PNPT1: variants seen among roughly 807,000 people sequenced by gnomAD.
The protein encoded by PNPT1 is polyribonucleotide nucleotidyltransferase 1, mitochondrial.
PNPT1 carries 53 observed loss-of-function variants against 119.5 expected under a neutral mutation model. The observed-to-expected ratio is 0.44, with a 90% CI of 0.36 to 0.56. The LOEUF (loss-of-function observed/expected upper bound fraction) is 0.56, where lower values mean the gene tolerates loss of function less well. Ranked by LOEUF, PNPT1 falls within the 20% of genes least tolerant of loss-of-function variation. PNPT1 has a pLI of 0.00. For synonymous variants in PNPT1, 357 were observed against 322.1 expected (o/e 1.11, Z -1.16); for missense variants, 948 against 938.5 (o/e 1.01, Z -0.13).
chr2:55,685,201 G>T (rs1172659599), intron 3 of PNPT1, among the ~76,000 whole-genome samples, 153 bp from the exon 4 acceptor site: 1 of 152,200 alleles, frequency 6.6e-6, no homozygotes, highest in Non-Finnish European at 1.5e-5. Context: ...TTTGGGGAGA[G>T]GAAAGTTGAT....
At chr2:55,651,602 T>C (rs1387978206) in intron 18 of PNPT1, among the ~76,000 whole-genome samples, 1 of 151,200 alleles carries the variant, frequency 6.6e-6, no homozygotes, top group Non-Finnish European at 1.5e-5. Context: ...TCATCACCAC[T>C]CCCTAATCTC....
intron 18 of PNPT1, among the ~76,000 whole-genome samples, chr2:55,647,955 T>C (rs1443003004): frequency 1.3e-5 from 2 of 152,248 alleles, no homozygotes; most frequent in African/African-American, 4.8e-5. Context: ...TAAAACAATG[T>C]AAACAAGTAC....
intron 26 of PNPT1, among the ~76,000 whole-genome samples, chr2:55,640,420 G>T (rs1260942023): frequency 1.3e-5 from 2 of 152,126 alleles, no homozygotes; most frequent in African/African-American, 4.8e-5. Context: ...CCAGAGTGCT[G>T]GGATTACAGG....
chr2:55,689,426 T>C (rs1299082101), intron 1 of PNPT1, among the ~76,000 whole-genome samples: 1 of 152,246 alleles, frequency 6.6e-6, no homozygotes, highest in Non-Finnish European at 1.5e-5. Context: ...TGTAGCATTA[T>C]TCATAATAGT....
intron 15 of PNPT1, among the ~76,000 whole-genome samples, chr2:55,657,789 A>C (rs1324232060): frequency 7.1e-6 from 1 of 141,448 alleles, no homozygotes; most frequent in Admixed American, 7.5e-5. Context: ...ATGAGTGTAC[A>C]ATCAGCAACA....
chr2:55,668,178 T>A (rs1291660022), intron 11 of PNPT1, among the ~76,000 whole-genome samples: 1 of 152,242 alleles, frequency 6.6e-6, no homozygotes, highest in Non-Finnish European at 1.5e-5. Context: ...TATTGTGAAC[T>A]TAGTTTGTTT....
chr2:55,680,684 G>T, intron 7 of PNPT1, 28 bp downstream of exon 7: 1 of 1,592,672 alleles, frequency 6.3e-7, no homozygotes. Flanking sequence ...ATACACATAT[G>T]ATTTCTTACT....
chr2:55,641,179 G>A (rs540705150), intron 25 of PNPT1, among the ~76,000 whole-genome samples: 5 of 152,136 alleles, frequency 3.3e-5, no homozygotes, highest in African/African-American at 9.6e-5. Flanking sequence ...AGCCGAGATC[G>A]TGCCACTACA....
At chr2:55,675,615 T>C (rs1350938053) in intron 8 of PNPT1, among the ~76,000 whole-genome samples, 2 of 152,050 alleles carry the variant, frequency 1.3e-5, no homozygotes, top group Admixed American at 1.3e-4. Context: ...ATAGGATCGT[T>C]TGAACCCCAC....
chr2:55,642,036 T>G (rs1359828946), intron 25 of PNPT1, among the ~76,000 whole-genome samples: 1 of 151,928 alleles, frequency 6.6e-6, no homozygotes, highest in African/African-American at 2.4e-5. Context: ...GACATGGGGT[T>G]TCACCATGTT....
Position 55,677,626 on chromosome 2 carries a change from T to G in PNPT1, c.679+2056A>C, listed in dbSNP as rs1223998606. ...AAAAAAAAAAAAAAAAAAAAAAGAT[T>G]ATTAGTTCATTCCTCTAATGTCTAC... is the stretch of plus-strand genomic sequence containing the variant. On this transcript the variant is annotated intron_variant, in intron 8 of 27. Transcript: ENST00000447944. 2.8e-5 allele frequency among the ~76,000 whole-genome samples: 4 copies of G among 140,612 alleles called. No individual in the cohort carries two copies. In the South Asian group the frequency reaches 9.4e-4, roughly 33 times the overall value. 92.2% of individuals were successfully genotyped at this position (140,612 alleles called of 152,430 possible).
At position 55,662,036 on chromosome 2, in the gene PNPT1, A is replaced by G. The variant is rs1186354328; in HGVS notation, c.1177-10T>C. The G allele has an allele frequency of 2.6e-6, 4 of 1,551,490 alleles. No homozygotes were observed. The highest frequency in any genetic ancestry group is 3.5e-6 in the Non-Finnish European group (4 of 1,156,852). On this transcript the variant is annotated splice_polypyrimidine_tract_variant and intron_variant, in intron 13 of 27. Transcript: ENST00000447944. ...TAACGGTACAAAGCACCTAAAAAAG[A>G]AAAAGAATTCCTCAGGCTTTAATAT...
At chr2:55,665,954 T>C (rs1384413669) in intron 13 of PNPT1, among the ~76,000 whole-genome samples, 1 of 152,102 alleles carries the variant, frequency 6.6e-6, no homozygotes, top group South Asian at 2.1e-4. Context: ...TGGGTGCCTA[T>C]GTAAAGAATA....
In PNPT1 at chr2:55,687,993, AT is replaced by A. The variant is rs139811313; in HGVS notation, c.162-289del. On this transcript the variant is annotated intron_variant, in intron 1 of 27. Coordinates refer to ENST00000447944, the MANE Select transcript of PNPT1 (RefSeq NM_033109.5). ...AAATGTTAATTCCCATGTACCATCT[AT>A]TTTTTTTTTGAGGTGGGGGGTGGTC... Among the ~76,000 whole-genome samples the A allele has an allele frequency of 7.7e-3, 1,113 of 144,990 alleles. 18 individuals are homozygous for A. Among genetic ancestry groups the A allele is most frequent in the African/African-American group, 0.026 (1,033 of 39,558 alleles).
chr2:55,639,318 A>C (rs2627778), intron 26 of PNPT1, among the ~76,000 whole-genome samples: 1 of 152,090 alleles, frequency 6.6e-6, no homozygotes, highest in Non-Finnish European at 1.5e-5. Flanking sequence ...GTGTAGCACA[A>C]ATCATGAATT....
intron 11 of PNPT1, 106 bp downstream of exon 11, chr2:55,671,213 T>A: frequency 1.9e-6 from 1 of 529,472 alleles, no homozygotes; most frequent in Non-Finnish European, 3.2e-6. Context: ...CCTACAGATG[T>A]GATGCCTTTC....
chr2:55,692,501 C>G (rs7586115), intron 1 of PNPT1, among the ~76,000 whole-genome samples: 22,310 of 151,870 alleles, frequency 0.15, 3,068 homozygotes, highest in African/African-American at 0.36. Context: ...ATTCTAAGAA[C>G]GATTAAAGCA....
chr2:55,679,383 T>A (rs1023219526), intron 8 of PNPT1, among the ~76,000 whole-genome samples: 4 of 152,214 alleles, frequency 2.6e-5, no homozygotes. Context: ...ACATAATTAT[T>A]GAAATTATTT....
At chr2:55,644,324 GAAAT>G (rs1695922637) in intron 23 of PNPT1, among the ~76,000 whole-genome samples, 1 of 152,030 alleles carries the variant, frequency 6.6e-6, no homozygotes, top group Non-Finnish European at 1.5e-5. Context: ...AGAATAAAAA[GAAAT>G]AACTAAGTAA....
Sources: allele counts gnomAD v4.1 joint callset (sites outside exome capture counted in the v4.1 genomes callset), GRCh38; gene constraint gnomAD v4.1.1; transcripts MANE v1.5; gene names NCBI Gene and HGNC (gene_info 2026-07-23, HGNC 2026-07-21).